Variants in ROR1 observed in about 807,000 individuals in gnomAD.
ROR1 encodes the protein inactive tyrosine-protein kinase transmembrane receptor ROR1.
ROR1 carries 19 observed loss-of-function variants against 78.8 expected under a neutral mutation model. That is an observed-to-expected ratio of 0.24 (90% CI 0.17 to 0.35). ROR1 has a LOEUF of 0.35. Among genes scored for constraint, ROR1 ranks in the 10% least tolerant of loss-of-function variants. ROR1 has a pLI of 1.00. For missense variants in ROR1, 917 were observed against 1,177.8 expected, an observed-to-expected ratio of 0.78 and a Z score of 3.24; for synonymous variants, 386 against 433.6, an observed-to-expected ratio of 0.89 and a Z score of 1.36.
At chr1:63,970,095 C>T (rs2100495990) in intron 1 of ROR1, among the ~76,000 whole-genome samples, 1 of 152,312 alleles carries the variant, frequency 6.6e-6, no homozygotes, top group East Asian at 1.9e-4. Context: ...CCCACTCCTT[C>T]CCTCATTTAT....
intron 1 of ROR1, among the ~76,000 whole-genome samples, chr1:63,782,301 C>T (rs1402604192): frequency 6.6e-6 from 1 of 152,074 alleles, no homozygotes; most frequent in Non-Finnish European, 1.5e-5. Flanking sequence ...AAATACTAGC[C>T]AATTAAATGA....
chr1:64,173,255 T>A (rs1650289831), intron 8 of ROR1, among the ~76,000 whole-genome samples: 1 of 152,168 alleles, frequency 6.6e-6, no homozygotes, highest in African/African-American at 2.4e-5. Context: ...ACCCCCCAAA[T>A]TTAGTTTTCA....
intron 1 of ROR1, among the ~76,000 whole-genome samples, chr1:63,895,473 C>G (rs906904845): frequency 7.9e-5 from 12 of 152,040 alleles, no homozygotes; most frequent in Non-Finnish European, 1.3e-4. Flanking sequence ...CTCTGTTGAC[C>G]AAGGTGGAAT....
At chr1:64,087,158 C>T (rs1272717911) in intron 4 of ROR1, among the ~76,000 whole-genome samples, 1 of 152,198 alleles carries the variant, frequency 6.6e-6, no homozygotes, top group African/African-American at 2.4e-5. Flanking sequence ...CTCAGACCTT[C>T]ATAGTAAAAT....
At chr1:63,828,884 T>A (rs993735687) in intron 1 of ROR1, among the ~76,000 whole-genome samples, 2 of 152,338 alleles carry the variant, frequency 1.3e-5, no homozygotes, top group African/African-American at 4.8e-5. Context: ...CCAGCAGGGA[T>A]CACTCCCTCT....
intron 1 of ROR1, among the ~76,000 whole-genome samples, chr1:63,826,546 A>G (rs78965930): frequency 0.033 from 4,990 of 152,116 alleles, 190 homozygotes; most frequent in South Asian, 0.096. Context: ...TAGTGTTGCA[A>G]TGAATATATG....
intron 1 of ROR1, among the ~76,000 whole-genome samples, chr1:63,955,662 T>C (rs1282723563): frequency 6.6e-6 from 1 of 152,160 alleles, no homozygotes; most frequent in African/African-American, 2.4e-5. Flanking sequence ...CAAAGTTTCA[T>C]TTATCCCCCA....
chr1:63,849,385 C>T (rs1645100184), intron 1 of ROR1, among the ~76,000 whole-genome samples: 1 of 152,068 alleles, frequency 6.6e-6, no homozygotes, highest in South Asian at 2.1e-4. Flanking sequence ...TTTGTGATGG[C>T]CACCAGTCTT....
At chr1:63,795,795 T>C (rs1280380422) in intron 1 of ROR1, among the ~76,000 whole-genome samples, 1 of 152,190 alleles carries the variant, frequency 6.6e-6, no homozygotes, top group East Asian at 1.9e-4. Flanking sequence ...TCAATATTGA[T>C]TTAGAACAAT....
At chr1:63,938,457 C>A (rs557036674) in intron 1 of ROR1, among the ~76,000 whole-genome samples, 4 of 152,224 alleles carry the variant, frequency 2.6e-5, no homozygotes, top group African/African-American at 7.2e-5. Flanking sequence ...CCCTTAGTGA[C>A]TTTCCCCACA....
chr1:64,088,679 G>T (rs547781092), intron 4 of ROR1, among the ~76,000 whole-genome samples: 2 of 152,086 alleles, frequency 1.3e-5, no homozygotes, highest in African/African-American at 4.8e-5. Context: ...GTAACCAAGT[G>T]TCCTGAGTGA....
intron 2 of ROR1, among the ~76,000 whole-genome samples, chr1:64,020,167 G>A (rs1464324353): frequency 6.6e-6 from 1 of 152,146 alleles, no homozygotes; most frequent in African/African-American, 2.4e-5. Flanking sequence ...AGAATAAATT[G>A]CTGATGCTTT....
chr1:64,158,868 A>G (rs1218270491), intron 7 of ROR1, 113 bp from the exon 8 acceptor site: 2 of 734,662 alleles, frequency 2.7e-6, no homozygotes, highest in Admixed American at 2.5e-5. Context: ...CTCACAGTGG[A>G]TTTGTGTGTA....
At chr1:63,850,156 A>G (rs1386697649) in intron 1 of ROR1, among the ~76,000 whole-genome samples, 1 of 152,158 alleles carries the variant, frequency 6.6e-6, no homozygotes, top group African/African-American at 2.4e-5. Flanking sequence ...ACATCTTGCT[A>G]TTTTTGCTCA....
At chr1:63,848,311 A>G (rs1645094065) in intron 1 of ROR1, among the ~76,000 whole-genome samples, 1 of 152,242 alleles carries the variant, frequency 6.6e-6, no homozygotes, top group Non-Finnish European at 1.5e-5. Context: ...AATGCTTTCC[A>G]GTCTTTCTTT....
intron 4 of ROR1, among the ~76,000 whole-genome samples, chr1:64,053,945 GTTTTATTTTA>G (rs974882808): frequency 1.3e-5 from 2 of 151,802 alleles, no homozygotes; most frequent in Non-Finnish European, 2.9e-5. Context: ...TTTTCTTTTT[GTTTTATTTTA>G]TTTTATTTTA....
chr1:63,960,465 G>T (rs1342055287), intron 1 of ROR1, among the ~76,000 whole-genome samples: 3 of 152,314 alleles, frequency 2.0e-5, no homozygotes, highest in Middle Eastern at 3.4e-3. Flanking sequence ...TGAATAAAAT[G>T]CTGGGCTTTC....
At chr1:63,983,439 C>T (rs748827843) in intron 1 of ROR1, among the ~76,000 whole-genome samples, 13 of 152,122 alleles carry the variant, frequency 8.5e-5, no homozygotes, top group Non-Finnish European at 1.6e-4. Context: ...GAAGCGGGAC[C>T]CCTCTAGAAG....
chr1:63,833,907 A>G (rs1342701418), intron 1 of ROR1, among the ~76,000 whole-genome samples: 1 of 150,658 alleles, frequency 6.6e-6, no homozygotes. Flanking sequence ...ACAAATATTT[A>G]TGGCTTCTGG....
Sources: allele counts gnomAD v4.1 joint callset (sites outside exome capture counted in the v4.1 genomes callset), GRCh38; gene constraint gnomAD v4.1.1; transcripts MANE v1.5; gene names NCBI Gene and HGNC (gene_info 2026-07-23, HGNC 2026-07-21).